MTX1: variants seen among roughly 807,000 people sequenced by gnomAD.
The protein encoded by MTX1 is metaxin-1.
Under a neutral mutation model 39.4 loss-of-function variants are expected in MTX1, and 20 were observed. The observed-to-expected ratio is 0.51, with a 90% CI of 0.36 to 0.74. MTX1 has a LOEUF of 0.74. Among genes scored for constraint, MTX1 ranks in the 30% least tolerant of loss-of-function variants. MTX1 has a pLI of 0.00. For missense variants in MTX1, 481 were observed against 485.9 expected (o/e 0.99, Z 0.10); for synonymous variants, 209 against 198.6 (o/e 1.05, Z -0.44).
Position 155,212,526 on chromosome 1 carries a change from G to T in MTX1, c.913G>T (p.Gly305Trp). The T allele has an allele frequency of 6.2e-7, 1 of 1,613,702 alleles. No homozygotes were observed. Among genetic ancestry groups the T allele is most frequent in the Non-Finnish European group, 8.5e-7 (1 of 1,179,678 alleles). ...QYMERLQLLT[G>W]EHRPEDEEEL... ...CATGGAACGGCTACAGCTGCTGACT[G>T]GGGAGCACAGGCCTGAGGACGAGGA... The change falls in exon 5 of 8, where the codon GGG becomes TGG. Residue 305 changes from glycine (G) to tryptophan (W), a missense_variant. By Grantham distance (184) the Gly-to-Trp change is radical (BLOSUM62 -2). Around this residue, in one of 2 missense-constraint regions of MTX1, gnomAD observed 113 missense variants for 153.2 expected, o/e 0.74. Coordinates refer to ENST00000368376, the MANE Select transcript of MTX1 (RefSeq NM_002455.5).
At chr1:155,212,311 G>C in intron 4 of MTX1, 74 bp from the exon 5 acceptor site, 1 of 1,600,822 alleles carries the variant, frequency 6.2e-7, no homozygotes, top group Non-Finnish European at 8.5e-7. Flanking sequence ...AAGCATGGGG[G>C]TCAGAAGCCC....
In MTX1 at chr1:155,209,176, G is replaced by T. The variant is rs1670960499; in HGVS notation, c.372G>T (p.Ala124=). The part of the protein sequence containing the change: ...PGPLTATIGG[A]VAGGGPRQGR... Reference sequence around the variant, plus strand: ...CCCTGACCGCAACGATCGGAGGGGCGGTGGCGGGGGGCGGGCCCAGGCAGG... The same window carrying T: ...CCCTGACCGCAACGATCGGAGGGGCTGTGGCGGGGGGCGGGCCCAGGCAGG... Residue 124 remains alanine, a synonymous_variant, in exon 1 of 8, where the codon GCG becomes GCT. Transcript: ENST00000368376. 6.7e-7 allele frequency: 1 copy of T among 1,483,472 alleles called. No homozygotes were observed. The highest frequency in any genetic ancestry group is 2.5e-5 in the East Asian group (1 of 39,866). The allele number at this position is 1,483,472 out of a possible 1,614,324, so 91.9% of individuals were successfully genotyped here.
chr1:155,212,906 G>A (rs1279735979), intron 6 of MTX1, 136 bp downstream of exon 6: 1 of 1,400,866 alleles, frequency 7.1e-7, no homozygotes, highest in Non-Finnish European at 9.5e-7. Context: ...ACTGGCCCTA[G>A]TGACAGTGTG....
At position 155,208,788 on chromosome 1, in the gene MTX1, A is replaced by T. The variant is rs1452403335; in HGVS notation, c.-17A>T. 1.1e-5 allele frequency: 16 copies of T among 1,508,142 alleles called. No individual in the cohort carries two copies. Among genetic ancestry groups the T allele is most frequent in the Non-Finnish European group, 1.8e-6 (2 of 1,126,132 alleles). 93.4% of individuals were successfully genotyped at this position (1,508,142 alleles called of 1,614,324 possible). On this transcript the variant is annotated 5_prime_UTR_variant, in exon 1 of 8. Coordinates refer to ENST00000368376, the MANE Select transcript of MTX1 (RefSeq NM_002455.5). ...GCGGCGCAGGGCCCGCTCCAAACAT[A>T]ACGCGCTGTGGAAAACATGCTGCTC...
intron 1 of MTX1, 50 bp from the exon 2 acceptor site, chr1:155,210,296 C>T: frequency 6.7e-7 from 1 of 1,483,616 alleles, no homozygotes; most frequent in Non-Finnish European, 9.4e-7. Flanking sequence ...CTTGATACCA[C>T]TGTGGGGGAC....
intron 1 of MTX1, 104 bp from the exon 2 acceptor site, chr1:155,210,242 A>G (rs1410285480): frequency 5.0e-6 from 5 of 992,484 alleles, no homozygotes; most frequent in African/African-American, 3.2e-5. Flanking sequence ...GATACTAAGT[A>G]TAGGGAATGG....
chr1:155,212,269 G>C lies in MTX1; in HGVS notation c.771+50G>C, dbSNP rs749792484. ...ATCCATGGCCAGCCGGGGAGGGTTC[G>C]GGAACACACAGACCCACACACAGGC... is the stretch of plus-strand genomic sequence containing the variant. On this transcript the variant is annotated intron_variant, in intron 4 of 7. Coordinates refer to ENST00000368376, the MANE Select transcript of MTX1 (RefSeq NM_002455.5). 7 of 1,594,510 alleles carry C rather than the reference G, an allele frequency of 4.4e-6. No individual in the cohort carries two copies. The South Asian group carries it at 6.8e-5, about 16-fold the overall frequency.
At position 155,209,024 on chromosome 1, in the gene MTX1, C is replaced by A; in HGVS notation, c.220C>A (p.Arg74Ser). The A allele has an allele frequency of 6.4e-7, 1 of 1,573,360 alleles. No homozygotes were observed. Residue 74 changes from arginine (R) to serine (S), a missense_variant, in exon 1 of 8, where the codon CGC (arginine) becomes AGC (serine). Physicochemically the swap from Arg to Ser is moderately radical, Grantham distance 110 (BLOSUM62 -1). Around this residue, in one of 2 missense-constraint regions of MTX1, gnomAD observed 368 missense variants for 332.8 expected, o/e 1.11. Transcript: ENST00000368376. ...PRRAGPTALS[R>S]YVGHLWMGRR... ...GCGCGCCGGGCCGACAGCGCTGTCC[C>A]GCTACGTGGGCCACCTCTGGATGGG...
At position 155,208,714 on chromosome 1, in the gene MTX1, C is replaced by T; in HGVS notation, c.-91C>T. ...TCCCCCACCCAAGCCCCAGCCCGGCCTCCGCTCCGGCCGCCGCCACCGCCC... is the reference window on the plus strand; with the variant it reads ...TCCCCCACCCAAGCCCCAGCCCGGCTTCCGCTCCGGCCGCCGCCACCGCCC... On this transcript the variant is annotated 5_prime_UTR_variant, in exon 1 of 8. Coordinates refer to ENST00000368376, the MANE Select transcript of MTX1 (RefSeq NM_002455.5). 1.5e-6 allele frequency: 2 copies of T among 1,327,164 alleles called. No individual in the cohort carries two copies. Among genetic ancestry groups the T allele is most frequent in the South Asian group, 3.2e-5 (2 of 62,492 alleles). The allele number at this position is 1,327,164 out of a possible 1,614,324, so 82.2% of individuals were successfully genotyped here.
chr1:155,212,426 G>C lies in MTX1; in HGVS notation c.813G>C (p.Val271=), dbSNP rs1671160954. The C allele has an allele frequency of 6.2e-7, 1 of 1,614,102 alleles. No homozygotes were observed. Among genetic ancestry groups the C allele is most frequent in the Non-Finnish European group, 8.5e-7 (1 of 1,180,056 alleles). ...FWIDTKNYVE[V]TRKWYAEAMP... is the part of the protein sequence containing the mutation. ...TAGACACCAAGAACTACGTGGAAGT[G>C]ACCCGGAAGTGGTATGCAGAGGCTA... Residue 271 remains valine, a synonymous_variant, in exon 5 of 8, where the codon GTG becomes GTC. Coordinates refer to ENST00000368376, the MANE Select transcript of MTX1 (RefSeq NM_002455.5).
intron 2 of MTX1, 52 bp from the exon 3 acceptor site, chr1:155,210,496 G>A (rs994842892): frequency 1.9e-6 from 3 of 1,607,236 alleles, no homozygotes; most frequent in Admixed American, 1.7e-5. Flanking sequence ...TTGCAACTAT[G>A]TATGACTAGG....
intron 3 of MTX1, 166 bp from the exon 4 acceptor site, chr1:155,211,961 G>T (rs534485708): frequency 1.6e-4 from 87 of 561,254 alleles, no homozygotes; most frequent in Non-Finnish European, 2.5e-4. Flanking sequence ...ACAGCAACAG[G>T]CTACTGGCTG....
In MTX1 at chr1:155,208,712, G is replaced by GGCGCCC; in HGVS notation, c.-93_-92insGCGCCC. The GGCGCCC allele has an allele frequency of 7.6e-7, 1 of 1,308,738 alleles. No homozygotes were observed. Among genetic ancestry groups the GGCGCCC allele is most frequent in the Non-Finnish European group, 1.0e-6 (1 of 992,498 alleles). The allele number at this position is 1,308,738 out of a possible 1,614,324, so 81.1% of individuals were successfully genotyped here. On this transcript the variant is annotated 5_prime_UTR_variant, in exon 1 of 8. Coordinates refer to ENST00000368376, the MANE Select transcript of MTX1 (RefSeq NM_002455.5). Reference sequence around the variant, plus strand: ...CCTCCCCCACCCAAGCCCCAGCCCGGCCTCCGCTCCGGCCGCCGCCACCGC... The same window carrying GGCGCCC: ...CCTCCCCCACCCAAGCCCCAGCCCGGGCGCCCCCTCCGCTCCGGCCGCCGCCACCGC...
At chr1:155,212,357 C>T in intron 4 of MTX1, 28 bp from the exon 5 acceptor site, 2 of 1,613,320 alleles carry the variant, frequency 1.2e-6, no homozygotes, top group Non-Finnish European at 1.7e-6. Context: ...CTCAGACCTA[C>T]CTGTTTCTTC....
chr1:155,212,183 C>T lies in MTX1; in HGVS notation c.735C>T (p.Phe245=). The T allele has an allele frequency of 6.2e-7, 1 of 1,612,610 alleles. No individual in the cohort carries two copies. The highest frequency in any genetic ancestry group is 8.5e-7 in the Non-Finnish European group (1 of 1,179,142). ...SARQGADTLA[F]MSLLEEKLLP... ...GGCAAGGGGCAGACACCCTGGCCTT[C>T]ATGTCTCTCCTGGAGGAGAAGTTGC... Residue 245 remains phenylalanine (F), a synonymous_variant, in exon 4 of 8, where the codon TTC becomes TTT. Transcript: ENST00000368376.
intron 1 of MTX1, among the ~76,000 whole-genome samples, chr1:155,210,126 C>T (rs1012709412): frequency 1.3e-5 from 2 of 152,178 alleles, no homozygotes; most frequent in African/African-American, 4.8e-5. Context: ...AAAGGATTTT[C>T]CTGGCTGTCC....
At chr1:155,212,827 G>A in intron 6 of MTX1, 57 bp downstream of exon 6, 1 of 1,500,192 alleles carries the variant, frequency 6.7e-7, no homozygotes, top group Non-Finnish European at 8.9e-7. Context: ...AGGTTCAGAT[G>A]GAGCAGCTGG....
chr1:155,208,706 AG>A lies in MTX1; in HGVS notation c.-98del. The stretch of plus-strand genomic sequence containing the variant: ...TCTTCCCCTCCCCCACCCAAGCCCC[AG>A]CCCGGCCTCCGCTCCGGCCGCCGCC... On this transcript the variant is annotated 5_prime_UTR_variant, in exon 1 of 8. Coordinates refer to ENST00000368376, the MANE Select transcript of MTX1 (RefSeq NM_002455.5). 1 of 907,426 alleles carries A rather than the reference AG, an allele frequency of 1.1e-6. No homozygotes were observed. 56.2% of individuals were successfully genotyped at this position (907,426 alleles called of 1,614,324 possible).
chr1:155,209,597 T>C (rs970718549), intron 1 of MTX1, among the ~76,000 whole-genome samples: 3 of 152,228 alleles, frequency 2.0e-5, no homozygotes, highest in African/African-American at 7.2e-5. Context: ...CTGTGTGACC[T>C]TGCGGAGATC....
Sources: gnomAD v4.1 joint callset for allele counts (sites outside exome capture counted in the v4.1 genomes callset) on GRCh38, gnomAD v4.1.1 for gene constraint, gnomAD v4.1.1 regional missense constraint, MANE v1.5 for transcripts, NCBI Gene and HGNC (gene_info 2026-07-23, HGNC 2026-07-21) for gene names.